The following LUZP2 variants were observed in gnomAD, a reference collection of about 807,000 sequenced individuals.
LUZP2 encodes the protein leucine zipper protein 2.
A neutral mutation model predicts 51.6 loss-of-function variants in LUZP2; 52 were observed. The observed-to-expected ratio is 1.01, with a 90% confidence interval of 0.81 to 1.27. The LOEUF (loss-of-function observed/expected upper bound fraction) is 1.27, where lower values mean the gene tolerates loss of function less well. LUZP2 is among the 50% of genes most tolerant of loss of function. The probability of loss-of-function intolerance (pLI) is 0.00; values close to 1 mark genes in which losing one functional copy is unlikely to be tolerated. For missense variants in LUZP2, 436 were observed against 395.4 expected, an observed-to-expected ratio of 1.10 and a Z score of -0.87; for synonymous variants, 154 against 137.3, an observed-to-expected ratio of 1.12 and a Z score of -0.85.
At chr11:24,860,533 T>C (rs6484076) in intron 5 of LUZP2, among the ~76,000 whole-genome samples, 150,896 of 152,186 alleles carry the variant, frequency 0.99, 74,815 homozygotes, top group Middle Eastern at 1. Context: ...TATACAGGAG[T>C]GATCCTACTG....
At chr11:24,758,540 T>G (rs10834477) in intron 4 of LUZP2, among the ~76,000 whole-genome samples, 22,926 of 152,022 alleles carry the variant, frequency 0.15, 2,065 homozygotes, top group East Asian at 0.43. Context: ...TTAACACATA[T>G]TTATAACTTT....
rs150704757 is a variant in LUZP2, at chr11:25,064,334, A to G, written c.859-12995A>G. Reference sequence around the variant, plus strand: ...ATAGATGGTGTATATTAAATTATGTATCTACTGCTTTATAATTGCTTGTTA... The same window carrying G: ...ATAGATGGTGTATATTAAATTATGTGTCTACTGCTTTATAATTGCTTGTTA... On this transcript the variant is annotated intron_variant, in intron 10 of 11. Transcript: ENST00000336930. Among the ~76,000 whole-genome samples the G allele has an allele frequency of 1.8e-3, 268 of 152,206 alleles. 5 individuals are homozygous for G. The East Asian group carries it at 0.046, about 26-fold the overall frequency.
intron 7 of LUZP2, among the ~76,000 whole-genome samples, chr11:24,939,598 A>G (rs1438737861): frequency 6.6e-6 from 1 of 152,196 alleles, no homozygotes; most frequent in Non-Finnish European, 1.5e-5. Flanking sequence ...TAAGTGAGGA[A>G]TGCAGTATTT....
At chr11:24,862,192 C>T (rs1851762110) in intron 5 of LUZP2, among the ~76,000 whole-genome samples, 1 of 152,170 alleles carries the variant, frequency 6.6e-6, no homozygotes, top group African/African-American at 2.4e-5. Flanking sequence ...AGACTAACAG[C>T]AGACCTTTCA....
intron 10 of LUZP2, 52 bp downstream of exon 10, chr11:25,050,182 C>A (rs1858450530): frequency 1.9e-6 from 2 of 1,057,474 alleles, no homozygotes; most frequent in African/African-American, 1.6e-5. Flanking sequence ...GAAAAAAGCA[C>A]AAGCATTTTA....
chr11:24,591,154 A>G (rs1348096038), intron 1 of LUZP2, among the ~76,000 whole-genome samples: 1 of 152,200 alleles, frequency 6.6e-6, no homozygotes, highest in Non-Finnish European at 1.5e-5. Flanking sequence ...CAAAAACAAT[A>G]TCCTTAGTTC....
intron 9 of LUZP2, among the ~76,000 whole-genome samples, chr11:25,011,107 C>T (rs969557935): frequency 2.0e-5 from 3 of 152,026 alleles, no homozygotes; most frequent in Admixed American, 1.3e-4. Context: ...CAGCAACCCT[C>T]GAGGGCATGG....
At chr11:24,564,733 A>G (rs932968606) in intron 1 of LUZP2, among the ~76,000 whole-genome samples, 1 of 152,170 alleles carries the variant, frequency 6.6e-6, no homozygotes, top group African/African-American at 2.4e-5. Context: ...TATATTTGTA[A>G]TCAGCAGAAA....
chr11:24,668,973 T>G (rs1856308605), intron 1 of LUZP2, among the ~76,000 whole-genome samples: 1 of 152,152 alleles, frequency 6.6e-6, no homozygotes, highest in Non-Finnish European at 1.5e-5. Flanking sequence ...ATTTCTATAT[T>G]TTTCAGTAAA....
At chr11:25,044,274 T>TATATATAC (rs1858219700) in intron 9 of LUZP2, among the ~76,000 whole-genome samples, 1 of 141,328 alleles carries the variant, frequency 7.1e-6, no homozygotes. Flanking sequence ...TATATATATA[T>TATATATAC]ATATATATAT....
chr11:24,583,660 T>C lies in LUZP2; in HGVS notation c.62+86355T>C, dbSNP rs147081244. 2.3e-3 allele frequency among the ~76,000 whole-genome samples: 343 copies of C among 152,096 alleles called. 1 individual carries two copies. The highest frequency in any genetic ancestry group is 0.017 in the Middle Eastern group (5 of 294). Reference sequence around the variant, plus strand: ...TTGTTTAGAAGAAAAATAAAGCAGATTGTAATTTTAAGTGAAGTAACCAGG... The same window carrying C: ...TTGTTTAGAAGAAAAATAAAGCAGACTGTAATTTTAAGTGAAGTAACCAGG... On this transcript the variant is annotated intron_variant, in intron 1 of 11. Transcript: ENST00000336930.
chr11:25,020,398 A>G (rs1001643063), intron 9 of LUZP2, among the ~76,000 whole-genome samples: 1 of 152,054 alleles, frequency 6.6e-6, no homozygotes, highest in African/African-American at 2.4e-5. Context: ...GCCAGCTACA[A>G]CCTAGCCTAT....
At chr11:24,795,570 G>T (rs1300781599) in intron 5 of LUZP2, among the ~76,000 whole-genome samples, 4 of 152,076 alleles carry the variant, frequency 2.6e-5, no homozygotes, top group Non-Finnish European at 5.9e-5. Context: ...AAGGCCCTGA[G>T]AATTTATGGA....
intron 1 of LUZP2, among the ~76,000 whole-genome samples, chr11:24,704,371 T>C (rs890412746): frequency 2.6e-5 from 4 of 152,134 alleles, no homozygotes; most frequent in African/African-American, 9.7e-5. Context: ...ACTTTTTCTC[T>C]TATGTGTTAA....
chr11:24,979,059 C>A (rs1340665759), intron 8 of LUZP2, among the ~76,000 whole-genome samples: 1 of 151,684 alleles, frequency 6.6e-6, no homozygotes, highest in Non-Finnish European at 1.5e-5. Context: ...TCCTCAAAAT[C>A]TTTATGTCTC....
At chr11:24,572,445 T>C (rs1400574379) in intron 1 of LUZP2, among the ~76,000 whole-genome samples, 1 of 152,034 alleles carries the variant, frequency 6.6e-6, no homozygotes, top group East Asian at 1.9e-4. Flanking sequence ...GAGTTTGTTT[T>C]TGCCATGTCT....
At chr11:25,028,979 C>A (rs543515761) in intron 9 of LUZP2, among the ~76,000 whole-genome samples, 1 of 152,100 alleles carries the variant, frequency 6.6e-6, no homozygotes, top group African/African-American at 2.4e-5. Context: ...AAGCCAGGCA[C>A]GGAAAGACAA....
intron 9 of LUZP2, among the ~76,000 whole-genome samples, chr11:25,040,115 A>G (rs1858000256): frequency 6.6e-6 from 1 of 152,156 alleles, no homozygotes; most frequent in Non-Finnish European, 1.5e-5. Flanking sequence ...AGTAAATCAT[A>G]GAAGAATAAA....
chr11:24,622,635 C>A (rs541453828), intron 1 of LUZP2, among the ~76,000 whole-genome samples: 1 of 152,226 alleles, frequency 6.6e-6, no homozygotes, highest in East Asian at 1.9e-4. Flanking sequence ...AGTTTCAAAT[C>A]TGACTAAAGT....
Sources: gnomAD v4.1 joint callset for allele counts (sites outside exome capture counted in the v4.1 genomes callset) on GRCh38, gnomAD v4.1.1 for gene constraint, MANE v1.5 for transcripts, NCBI Gene and HGNC (gene_info 2026-07-23, HGNC 2026-07-21) for gene names.